The following ESRRG variants were observed in gnomAD, a reference collection of about 807,000 sequenced individuals.
ESRRG encodes the protein estrogen related receptor gamma.
In ESRRG, 13 loss-of-function variants were observed where a neutral mutation model predicts 44.0. That is an observed-to-expected ratio of 0.30 (90% CI 0.19 to 0.47). The LOEUF is 0.47. Ranked by LOEUF, ESRRG falls within the 20% of genes least tolerant of loss-of-function variation. The pLI, the probability that ESRRG is intolerant of heterozygous loss-of-function variation, is 1.00. For missense variants in ESRRG, 395 were observed against 580.6 expected, an observed-to-expected ratio of 0.68 and a Z score of 3.29; for synonymous variants, 215 against 214.6, an observed-to-expected ratio of 1.00 and a Z score of -0.02.
intron 2 of ESRRG, among the ~76,000 whole-genome samples, chr1:216,784,042 G>A (rs905155540): frequency 6.6e-6 from 1 of 151,966 alleles, no homozygotes; most frequent in East Asian, 1.9e-4. Context: ...AGTTAAGGCA[G>A]TTCCTCCTGA....
chr1:217,133,995 G>A (rs1228222410), intron 1 of ESRRG, among the ~76,000 whole-genome samples: 1 of 152,084 alleles, frequency 6.6e-6, no homozygotes, highest in Admixed American at 6.5e-5. Flanking sequence ...CAGAGTTAGT[G>A]GCAGAAACTT....
intron 2 of ESRRG, among the ~76,000 whole-genome samples, chr1:216,730,505 CTCTA>C (rs1026857489): frequency 6.6e-5 from 10 of 152,068 alleles, no homozygotes; most frequent in African/African-American, 2.4e-4. Flanking sequence ...CTACTCTAAA[CTCTA>C]TCTGACTGTA....
chr1:216,989,985 A>C (rs1047377380), intron 1 of ESRRG, among the ~76,000 whole-genome samples: 1 of 152,190 alleles, frequency 6.6e-6, no homozygotes, highest in Non-Finnish European at 1.5e-5. Context: ...AATGTGTCTT[A>C]GCTGAGATGT....
intron 1 of ESRRG, among the ~76,000 whole-genome samples, chr1:217,124,782 G>A: frequency 6.6e-6 from 1 of 152,274 alleles, no homozygotes; most frequent in East Asian, 1.9e-4. Flanking sequence ...CCTCATAAAA[G>A]TAGGCAATAC....
intron 1 of ESRRG, among the ~76,000 whole-genome samples, chr1:217,125,846 C>T (rs761226153): frequency 4.5e-4 from 68 of 152,148 alleles, no homozygotes; most frequent in Non-Finnish European, 6.8e-4. Context: ...ATAAATCTAA[C>T]TAAATATTTC....
intron 1 of ESRRG, among the ~76,000 whole-genome samples, chr1:217,018,225 C>A (rs577487145): frequency 2.6e-5 from 4 of 151,886 alleles, no homozygotes; most frequent in African/African-American, 9.6e-5. Flanking sequence ...TTTTTTTAAA[C>A]TTATCATTCC....
chr1:216,997,914 C>T (rs989229603), intron 1 of ESRRG, among the ~76,000 whole-genome samples: 1 of 152,194 alleles, frequency 6.6e-6, no homozygotes, highest in Non-Finnish European at 1.5e-5. Flanking sequence ...ATGGCTAAAT[C>T]GCTTTCAGCA....
chr1:216,675,429 T>C (rs12121367), intron 2 of ESRRG, among the ~76,000 whole-genome samples: 31,973 of 152,132 alleles, frequency 0.21, 4,335 homozygotes, highest in Non-Finnish European at 0.3. Context: ...TTCAGAATCA[T>C]GTTTTGTGAA....
intron 2 of ESRRG, among the ~76,000 whole-genome samples, chr1:216,901,954 A>G (rs1198609148): frequency 6.6e-6 from 1 of 151,866 alleles, no homozygotes; most frequent in Non-Finnish European, 1.5e-5. Flanking sequence ...ATAGAGATGG[A>G]ATCTCACTAA....
intron 1 of ESRRG, among the ~76,000 whole-genome samples, chr1:217,054,035 A>AC (rs1156366843): frequency 1.3e-5 from 2 of 151,964 alleles, no homozygotes; most frequent in Non-Finnish European, 2.9e-5. Context: ...GCTCTGAAAA[A>AC]AAAAAAAAGC....
At chr1:216,953,012 T>A (rs11117737) in intron 1 of ESRRG, among the ~76,000 whole-genome samples, 1 of 151,872 alleles carries the variant, frequency 6.6e-6, no homozygotes. Context: ...TATGTGGGAG[T>A]ATGCACACCA....
chr1:217,094,581 A>G (rs1475882200), upstream of ESRRG, among the ~76,000 whole-genome samples: 1 of 152,258 alleles, frequency 6.6e-6, no homozygotes, highest in East Asian at 1.9e-4. Context: ...CCAATACAAC[A>G]AAATATTATC....
chr1:216,970,978 G>C (rs1187543833), intron 1 of ESRRG, among the ~76,000 whole-genome samples: 2 of 152,178 alleles, frequency 1.3e-5, no homozygotes, highest in Admixed American at 1.3e-4. Context: ...TAGACAGAAA[G>C]GTCACCCAGC....
chr1:216,852,230 G>A (rs1201265514), intron 2 of ESRRG, among the ~76,000 whole-genome samples: 2 of 152,136 alleles, frequency 1.3e-5, no homozygotes, highest in Admixed American at 6.6e-5. Flanking sequence ...TAGTGATAAA[G>A]GTTGGCTTCT....
chr1:216,526,018 A>G (rs1163837937), intron 5 of ESRRG, among the ~76,000 whole-genome samples: 3 of 152,184 alleles, frequency 2.0e-5, no homozygotes, highest in Admixed American at 1.3e-4. Context: ...AACCTTGGAG[A>G]AAGCTGACAG....
At chr1:216,613,928 C>G (rs1016369901) in intron 3 of ESRRG, among the ~76,000 whole-genome samples, 1 of 152,144 alleles carries the variant, frequency 6.6e-6, no homozygotes, top group East Asian at 1.9e-4. Context: ...CCATTTTCCC[C>G]GCTTTGTCCT....
upstream of ESRRG, chr1:217,090,371 G>C (rs2092318407): frequency 6.6e-6 from 1 of 152,020 alleles, no homozygotes; most frequent in African/African-American, 2.4e-5. Flanking sequence ...TACGGCTAGG[G>C]ATCCCAAACC....
In ESRRG at chr1:217,012,363, A is replaced by G. The variant is rs140437356; in HGVS notation, c.-105-72690T>C. 2.4e-3 allele frequency among the ~76,000 whole-genome samples: 371 copies of G among 152,332 alleles called. 1 individual carries two copies. Among genetic ancestry groups the G allele is most frequent in the African/African-American group, 8.6e-3 (359 of 41,574 alleles). On this transcript the variant is annotated intron_variant, in intron 1 of 7. Coordinates refer to the ESRRG transcript ENST00000359162. ...TAAATAATAAAAATGATAAGATGTG[A>G]TCACAGGGACCCCAAACTCTCAATG...
intron 2 of ESRRG, among the ~76,000 whole-genome samples, chr1:216,770,883 T>A (rs1416567037): frequency 6.6e-6 from 1 of 152,138 alleles, no homozygotes; most frequent in Non-Finnish European, 1.5e-5. Flanking sequence ...TGCCCACCCA[T>A]TCACCCATCC....
Sources: gnomAD v4.1 joint callset for allele counts (sites outside exome capture counted in the v4.1 genomes callset) on GRCh38, gnomAD v4.1.1 for gene constraint, MANE v1.5 for transcripts, NCBI Gene and HGNC (gene_info 2026-07-23, HGNC 2026-07-21) for gene names.